The following EMSY variants were observed in gnomAD, a reference collection of about 807,000 sequenced individuals.
EMSY encodes BRCA2-interacting transcriptional repressor EMSY.
Under a neutral mutation model 134.6 loss-of-function variants are expected in EMSY, and 26 were observed. That is an observed-to-expected ratio of 0.19 (90% CI 0.14 to 0.27). The LOEUF (loss-of-function observed/expected upper bound fraction) is 0.27. Ranked by LOEUF, EMSY falls within the 10% of genes least tolerant of loss-of-function variation. EMSY has a pLI of 1.00. For synonymous variants in EMSY, 579 were observed against 577.8 expected, an observed-to-expected ratio of 1.00 and a Z score of -0.03; for missense variants, 1,305 against 1,611.4, an observed-to-expected ratio of 0.81 and a Z score of 3.26.
chr11:76,479,782 C>T (rs186752366), intron 8 of EMSY, among the ~76,000 whole-genome samples: 4 of 152,238 alleles, frequency 2.6e-5, no homozygotes, highest in East Asian at 1.9e-4. Context: ...GTGCTGAAAT[C>T]GTGAACAGAA....
At chr11:76,459,812 C>A (rs1948033392) in intron 5 of EMSY, 121 bp from the exon 7 acceptor site, 1 of 1,088,820 alleles carries the variant, frequency 9.2e-7, no homozygotes, top group Non-Finnish European at 1.3e-6. Context: ...ATACCTAGTA[C>A]TGGCCTCTGA....
chr11:76,517,647 C>T (rs1328072731), intron 11 of EMSY, among the ~76,000 whole-genome samples: 1 of 152,134 alleles, frequency 6.6e-6, no homozygotes, highest in Non-Finnish European at 1.5e-5. Context: ...TAGAGCAATA[C>T]AAGCAAGCAC....
chr11:76,464,798 C>G (rs969013323), intron 7 of EMSY, among the ~76,000 whole-genome samples: 1 of 152,116 alleles, frequency 6.6e-6, no homozygotes, highest in Non-Finnish European at 1.5e-5. Flanking sequence ...TTTTTGGGGA[C>G]CTTGCATGGT....
At chr11:76,489,666 G>A (rs1949341178) in intron 8 of EMSY, among the ~76,000 whole-genome samples, 1 of 150,208 alleles carries the variant, frequency 6.7e-6, no homozygotes, top group Non-Finnish European at 1.5e-5. Flanking sequence ...GTACAGTGGC[G>A]TGATTTTGGC....
At chr11:76,541,476 C>T (rs1167517882) in intron 17 of EMSY, among the ~76,000 whole-genome samples, 1 of 152,070 alleles carries the variant, frequency 6.6e-6, no homozygotes, top group Non-Finnish European at 1.5e-5. Context: ...TCATTTGGTC[C>T]TCTTCTAGGT....
intron 14 of EMSY, among the ~76,000 whole-genome samples, chr11:76,529,210 C>T (rs1359104323): frequency 6.6e-6 from 1 of 152,104 alleles, no homozygotes; most frequent in African/African-American, 2.4e-5. Context: ...TTGGGTGGTA[C>T]ATTTATGTCT....
chr11:76,449,251 T>C (rs1947552746), intron 2 of EMSY, among the ~76,000 whole-genome samples: 1 of 152,150 alleles, frequency 6.6e-6, no homozygotes, highest in African/African-American at 2.4e-5. Flanking sequence ...AAAATGGACA[T>C]CAACAAATGT....
chr11:76,493,607 A>C (rs376195381), intron 8 of EMSY, among the ~76,000 whole-genome samples: 89 of 152,278 alleles, frequency 5.8e-4, no homozygotes, highest in African/African-American at 2.1e-3. Flanking sequence ...AGACGTGGGG[A>C]AGATCTGCCT....
At chr11:76,540,454 G>T (rs899622177) in intron 17 of EMSY, among the ~76,000 whole-genome samples, 1 of 152,024 alleles carries the variant, frequency 6.6e-6, no homozygotes, top group African/African-American at 2.4e-5. Flanking sequence ...TTTAACATGT[G>T]CATACAAAGC....
At chr11:76,489,453 G>A (rs1949326900) in intron 8 of EMSY, among the ~76,000 whole-genome samples, 1 of 150,420 alleles carries the variant, frequency 6.6e-6, no homozygotes, top group South Asian at 2.1e-4. Context: ...TAGGATTATT[G>A]TGTCTTCTTG....
intron 11 of EMSY, among the ~76,000 whole-genome samples, chr11:76,519,065 CTTTT>C (rs149817617): frequency 7.3e-6 from 1 of 136,366 alleles, no homozygotes; most frequent in Non-Finnish European, 1.6e-5. Flanking sequence ...TGATTCATAT[CTTTT>C]TTTTTTTTTT....
chr11:76,447,135 C>T (rs908203810), intron 2 of EMSY, 127 bp downstream of exon 2: 38 of 823,128 alleles, frequency 4.6e-5, no homozygotes, highest in Non-Finnish European at 6.4e-5. Context: ...GATACAGTTC[C>T]CATCTTACTC....
chr11:76,463,855 A>G (rs777815751), exon 7 of EMSY: 2 of 1,614,230 alleles, frequency 1.2e-6, no homozygotes, highest in Non-Finnish European at 1.7e-6. Flanking sequence ...AAAAACCCAG[A>G]AAACGAAGGC....
chr11:76,495,061 CTG>C (rs1300356001), intron 8 of EMSY, among the ~76,000 whole-genome samples: 1 of 152,106 alleles, frequency 6.6e-6, no homozygotes, highest in African/African-American at 2.4e-5. Context: ...GTCCCTCAGT[CTG>C]TGATTGATCT....
rs148324109 is a variant in EMSY at position 76,543,752 on chromosome 11, C to T, written c.2710-507C>T. The stretch of plus-strand genomic sequence containing the variant: ...TTGGTGAAGCCTGAAGAATGATCTT[C>T]ATCCATGCAGGGGGCTCTCTGTGGG... On this transcript the variant is annotated intron_variant, in intron 18 of 20. Transcript: ENST00000334736. Among the ~76,000 whole-genome samples the T allele has an allele frequency of 6.0e-3, 918 of 152,292 alleles. 23 individuals are homozygous for T. The highest frequency in any genetic ancestry group is 0.042 in the Admixed American group (644 of 15,298).
intron 6 of EMSY, among the ~76,000 whole-genome samples, chr11:76,462,199 A>G (rs961478411): frequency 6.6e-6 from 1 of 151,146 alleles, no homozygotes; most frequent in African/African-American, 2.4e-5. Context: ...AGATCGCACC[A>G]CTGCACTCCA....
At chr11:76,526,757 T>C (rs1189558465) in intron 13 of EMSY, 122 bp downstream of exon 14, 1 of 929,342 alleles carries the variant, frequency 1.1e-6, no homozygotes, top group Non-Finnish European at 1.6e-6. Flanking sequence ...TTAAAAGTTA[T>C]GTTTGAATGT....
At chr11:76,452,035 G>A (rs1236188043) in intron 3 of EMSY, 78 bp downstream of exon 3, 6 of 899,378 alleles carry the variant, frequency 6.7e-6, no homozygotes, top group East Asian at 3.0e-5. Flanking sequence ...CTCAAATTAA[G>A]TAACTGTCAA....
intron 5 of EMSY, chr11:76,459,408 G>A (rs896787308): frequency 3.9e-5 from 6 of 153,478 alleles, no homozygotes; most frequent in Admixed American, 1.3e-4. Flanking sequence ...ATGATAGGTT[G>A]AAATATGATG....
Sources: gnomAD v4.1 joint callset for allele counts (sites outside exome capture counted in the v4.1 genomes callset) on GRCh38, gnomAD v4.1.1 for gene constraint, MANE v1.5 for transcripts, NCBI Gene and HGNC (gene_info 2026-07-23, HGNC 2026-07-21) for gene names.